PLEKHG1: variants seen among roughly 807,000 people sequenced by gnomAD.
PLEKHG1 encodes the protein pleckstrin homology domain-containing family G member 1.
A neutral mutation model predicts 100.8 loss-of-function variants in PLEKHG1; 44 were observed. The observed-to-expected ratio is 0.44, with a 90% CI of 0.34 to 0.56. The LOEUF (loss-of-function observed/expected upper bound fraction) is 0.56, where lower values mean the gene tolerates loss of function less well. Ranked by LOEUF, PLEKHG1 falls within the 20% of genes least tolerant of loss-of-function variation. The pLI is 0.01. For synonymous variants in PLEKHG1, 640 were observed against 662.5 expected (o/e 0.97, Z 0.52); for missense variants, 1,545 against 1,720.9 (o/e 0.90, Z 1.81).
rs1276201707 is a variant in PLEKHG1 at position 150,706,992 on chromosome 6, C to CTTTT, written c.-98-26590_-98-26587dup. On this transcript the variant is annotated intron_variant, in intron 3 of 3. Coordinates refer to the PLEKHG1 transcript ENST00000367326. ...TCTTTTTTTCTTTTCTTTTCTTTTT[C>CTTTT]TTTTTCTTTTTTTTTTTTTTTTTTT... is the stretch of plus-strand genomic sequence containing the variant. Among the ~76,000 whole-genome samples, 98 of 58,462 alleles carry CTTTT rather than the reference C, an allele frequency of 1.7e-3. 7 individuals carry two copies. Among genetic ancestry groups the CTTTT allele is most frequent in the East Asian group, 4.8e-3 (9 of 1,864 alleles). The allele number at this position is 58,462 out of a possible 152,430, so 38.4% of individuals were successfully genotyped here. A position where few individuals can be genotyped will look rare whatever the true frequency, so the allele number is the denominator to read the frequency against.
intron 15 of PLEKHG1, among the ~76,000 whole-genome samples, chr6:150,834,658 G>A (rs1163423558): frequency 2.6e-5 from 4 of 152,058 alleles, no homozygotes; most frequent in Non-Finnish European, 5.9e-5. Context: ...TTCACTTTTG[G>A]TTGGCTCTCC....
At chr6:150,725,625 G>C (rs1781923051) in intron 1 of PLEKHG1, among the ~76,000 whole-genome samples, 1 of 152,058 alleles carries the variant, frequency 6.6e-6, no homozygotes, top group South Asian at 2.1e-4. Flanking sequence ...TTCCTTTGCT[G>C]TGCAGAAGCT....
At chr6:150,828,837 T>C (rs1425089834) in intron 14 of PLEKHG1, among the ~76,000 whole-genome samples, 1 of 152,208 alleles carries the variant, frequency 6.6e-6, no homozygotes, top group Non-Finnish European at 1.5e-5. Flanking sequence ...CCTATATTTT[T>C]ATAACATTAA....
intron 2 of PLEKHG1, among the ~76,000 whole-genome samples, chr6:150,754,294 G>A (rs1243322655): frequency 1.3e-5 from 2 of 152,166 alleles, no homozygotes; most frequent in Admixed American, 1.3e-4. Context: ...GAGTGCCTGT[G>A]TTGGTAGAGG....
chr6:150,811,486 G>A (rs1252748995), intron 10 of PLEKHG1, among the ~76,000 whole-genome samples: 1 of 151,974 alleles, frequency 6.6e-6, no homozygotes, highest in East Asian at 1.9e-4. Flanking sequence ...GCCCAGGCTG[G>A]TTTCAAACTC....
chr6:150,702,557 G>GGGGTGTGTGTGTGTGTGTGT (rs1554261632), intron 3 of PLEKHG1, among the ~76,000 whole-genome samples: 4 of 142,830 alleles, frequency 2.8e-5, no homozygotes, highest in African/African-American at 1.1e-4. Context: ...TTTGTTTTGG[G>GGGGTGTGTGTGTGTGTGTGT]GTGTGTGTGT....
intron 3 of PLEKHG1, among the ~76,000 whole-genome samples, chr6:150,715,409 T>A (rs1348439210): frequency 6.6e-6 from 1 of 152,172 alleles, no homozygotes; most frequent in African/African-American, 2.4e-5. Context: ...AGCGTGTTCT[T>A]CTGAGGGACT....
exon 15 of PLEKHG1, chr6:150,832,045 G>T: frequency 6.2e-7 from 1 of 1,614,200 alleles, no homozygotes; most frequent in African/African-American, 1.3e-5. Flanking sequence ...GGGTGTTTAT[G>T]ATGGCTCGGC....
intron 1 of PLEKHG1, chr6:150,624,653 T>G (rs998855998): frequency 6.6e-5 from 10 of 152,158 alleles, no homozygotes; most frequent in Non-Finnish European, 1.2e-4. Flanking sequence ...GCTGAAAACT[T>G]TCTATGCACC....
At chr6:150,830,658 G>A in exon 15 of PLEKHG1, 6 of 1,614,128 alleles carry the variant, frequency 3.7e-6, no homozygotes, top group Non-Finnish European at 5.1e-6. Flanking sequence ...CAGCCTAGCA[G>A]TTCTACCATG....
intron 3 of PLEKHG1, among the ~76,000 whole-genome samples, chr6:150,715,932 C>T (rs1333872521): frequency 8.8e-5 from 13 of 147,638 alleles, no homozygotes; most frequent in African/African-American, 2.4e-4. Flanking sequence ...CACGGTGAAA[C>T]CCCGTCTCTA....
chr6:150,817,116 G>A (rs1034544600), intron 10 of PLEKHG1, among the ~76,000 whole-genome samples: 5 of 152,220 alleles, frequency 3.3e-5, no homozygotes, highest in African/African-American at 4.8e-5. Flanking sequence ...TGGCTCGGGG[G>A]TTGGGGACCC....
rs76943661 is a variant in PLEKHG1 at position 150,624,371 on chromosome 6, T to C, written c.-203-13709T>C. On this transcript the variant is annotated intron_variant, in intron 1 of 3. Transcript: ENST00000367326. Reference sequence around the variant, plus strand: ...CATTGCAGGCAACCTTGCCTCTCCCTCCCACATCCTCAACACTCGAGCCCC... The same window carrying C: ...CATTGCAGGCAACCTTGCCTCTCCCCCCCACATCCTCAACACTCGAGCCCC... 2.6e-5 allele frequency among the ~76,000 whole-genome samples: 4 copies of C among 152,170 alleles called. No individual in the cohort carries two copies. In the East Asian group the frequency reaches 7.7e-4, roughly 29 times the overall value.
intron 1 of PLEKHG1, among the ~76,000 whole-genome samples, chr6:150,729,726 C>T (rs770824532): frequency 3.9e-5 from 6 of 152,130 alleles, no homozygotes; most frequent in Non-Finnish European, 5.9e-5. Context: ...CTAAATGCTA[C>T]GGACACCAAA....
chr6:150,789,665 G>T (rs1487282078), intron 4 of PLEKHG1, among the ~76,000 whole-genome samples: 1 of 152,120 alleles, frequency 6.6e-6, no homozygotes, highest in African/African-American at 2.4e-5. Flanking sequence ...GATCCTACAG[G>T]TCCAAAATTG....
At chr6:150,613,636 T>C (rs898034133) in intron 1 of PLEKHG1, among the ~76,000 whole-genome samples, 4 of 152,212 alleles carry the variant, frequency 2.6e-5, no homozygotes, top group African/African-American at 7.2e-5. Flanking sequence ...CATACCCTCC[T>C]GGCTTCTGAA....
At chr6:150,649,229 C>T (rs1213876701) in intron 2 of PLEKHG1, among the ~76,000 whole-genome samples, 1 of 152,140 alleles carries the variant, frequency 6.6e-6, no homozygotes, top group Non-Finnish European at 1.5e-5. Flanking sequence ...ACTCATTTCC[C>T]CATTTTTGAT....
intron 3 of PLEKHG1, among the ~76,000 whole-genome samples, chr6:150,714,353 A>G (rs567038844): frequency 6.6e-6 from 1 of 152,334 alleles, no homozygotes; most frequent in Non-Finnish European, 1.5e-5. Context: ...AGGAGTGACA[A>G]ATTGAGCTAA....
At chr6:150,830,669 A>C (rs746857877) in exon 15 of PLEKHG1, 2 of 1,614,120 alleles carry the variant, frequency 1.2e-6, no homozygotes, top group Non-Finnish European at 1.7e-6. Context: ...TTCTACCATG[A>C]TCAGCGTGCT....
Sources: gnomAD v4.1 joint callset for allele counts (sites outside exome capture counted in the v4.1 genomes callset) on GRCh38, gnomAD v4.1.1 for gene constraint, MANE v1.5 for transcripts, NCBI Gene and HGNC (gene_info 2026-07-23, HGNC 2026-07-21) for gene names.